The following EFNA5 variants were observed in gnomAD, a reference collection of about 807,000 sequenced individuals.
EFNA5 encodes ephrin A5.
A neutral mutation model predicts 22.9 loss-of-function variants in EFNA5; 5 were observed. That is an observed-to-expected ratio of 0.22 (90% CI 0.11 to 0.46). The LOEUF is 0.46. Ranked by LOEUF, EFNA5 falls within the 20% of genes least tolerant of loss-of-function variation. The probability of loss-of-function intolerance (pLI) is 0.99; values close to 1 mark genes in which losing one functional copy is unlikely to be tolerated. For missense variants in EFNA5, 237 were observed against 293.3 expected, an observed-to-expected ratio of 0.81 and a Z score of 1.40; for synonymous variants, 113 against 112.2, an observed-to-expected ratio of 1.01 and a Z score of -0.04.
intron 1 of EFNA5, among the ~76,000 whole-genome samples, chr5:107,494,275 G>A (rs1456467756): frequency 6.6e-6 from 1 of 152,076 alleles, no homozygotes; most frequent in Non-Finnish European, 1.5e-5. Context: ...GGGCGGCTGC[G>A]GGCGGCGCTT....
At chr5:107,580,439 C>A (rs979469999) in intron 1 of EFNA5, among the ~76,000 whole-genome samples, 1 of 151,956 alleles carries the variant, frequency 6.6e-6, no homozygotes, top group East Asian at 1.9e-4. Context: ...ATACTTACAC[C>A]CTTTCACAGG....
chr5:107,539,239 G>A (rs1471030191), intron 1 of EFNA5, among the ~76,000 whole-genome samples: 2 of 152,232 alleles, frequency 1.3e-5, no homozygotes, highest in African/African-American at 4.8e-5. Flanking sequence ...AAAAAGAGCT[G>A]CACCATTTGC....
intron 1 of EFNA5, among the ~76,000 whole-genome samples, chr5:107,558,100 G>T (rs1207981722): frequency 2.6e-5 from 4 of 151,994 alleles, no homozygotes; most frequent in African/African-American, 9.7e-5. Flanking sequence ...GTCTGAGAGG[G>T]GGAGGGGCAT....
intron 1 of EFNA5, among the ~76,000 whole-genome samples, chr5:107,650,191 T>C (rs1355814952): frequency 5.3e-5 from 8 of 152,198 alleles, no homozygotes; most frequent in Non-Finnish European, 1.0e-4. Context: ...CAAACAGCTA[T>C]GCTAAGGAAT....
intron 1 of EFNA5, among the ~76,000 whole-genome samples, chr5:107,542,153 G>A (rs902108621): frequency 6.6e-6 from 1 of 152,004 alleles, no homozygotes; most frequent in African/African-American, 2.4e-5. Context: ...ACACTTTCAG[G>A]GGGAAAATAA....
At chr5:107,439,660 G>T (rs1183568007) in intron 1 of EFNA5, among the ~76,000 whole-genome samples, 1 of 152,032 alleles carries the variant, frequency 6.6e-6, no homozygotes, top group Non-Finnish European at 1.5e-5. Flanking sequence ...TCTGAGGCGA[G>T]AAGGCACACT....
rs1028744802 is a variant in EFNA5 at position 107,670,779 on chromosome 5, G to A, written c.-166C>T. On this transcript the variant is annotated 5_prime_UTR_variant, in exon 1 of 5. Transcript: ENST00000333274. ...AAGGAAAGAGGCGCCCACCAAGCTG[G>A]GGAGGGGTAGGAGAGCGAGAAGAAA... The A allele has an allele frequency of 2.2e-6, 2 of 913,510 alleles. No homozygotes were observed. The highest frequency in any genetic ancestry group is 3.2e-6 in the Non-Finnish European group (2 of 617,242). 56.6% of individuals were successfully genotyped at this position (913,510 alleles called of 1,614,324 possible).
At chr5:107,658,275 C>T (rs1273115114) in intron 1 of EFNA5, among the ~76,000 whole-genome samples, 2 of 152,054 alleles carry the variant, frequency 1.3e-5, no homozygotes, top group African/African-American at 4.8e-5. Flanking sequence ...TCTGGCATTG[C>T]CACATAAAAT....
intron 1 of EFNA5, among the ~76,000 whole-genome samples, chr5:107,548,254 TA>T (rs962034479): frequency 4.6e-5 from 7 of 152,206 alleles, no homozygotes; most frequent in Non-Finnish European, 7.4e-5. Flanking sequence ...CTACACTTTT[TA>T]AAAATTTTTT....
At chr5:107,460,132 G>T (rs971526687) in intron 1 of EFNA5, among the ~76,000 whole-genome samples, 3 of 152,156 alleles carry the variant, frequency 2.0e-5, no homozygotes, top group African/African-American at 7.2e-5. Context: ...TAATCAAGAG[G>T]TAGGGACCTT....
intron 2 of EFNA5, among the ~76,000 whole-genome samples, chr5:107,390,782 G>A (rs1175805963): frequency 2.6e-5 from 4 of 151,910 alleles, no homozygotes; most frequent in African/African-American, 4.8e-5. Flanking sequence ...ATGAATAGTC[G>A]ATGTTGAAAG....
intron 1 of EFNA5, among the ~76,000 whole-genome samples, chr5:107,616,829 A>G (rs1749926664): frequency 6.6e-6 from 1 of 152,204 alleles, no homozygotes; most frequent in Non-Finnish European, 1.5e-5. Flanking sequence ...ACAAACAAAA[A>G]TCACATTTTT....
intron 2 of EFNA5, 117 bp downstream of exon 2, chr5:107,427,100 A>T: frequency 9.1e-7 from 1 of 1,093,758 alleles, no homozygotes; most frequent in Non-Finnish European, 1.3e-6. Flanking sequence ...GTACGCATTT[A>T]CAAGGAGATA....
chr5:107,404,676 C>G (rs1474652175), intron 2 of EFNA5, among the ~76,000 whole-genome samples: 1 of 152,064 alleles, frequency 6.6e-6, no homozygotes, highest in Non-Finnish European at 1.5e-5. Context: ...TATTCAATTC[C>G]AAGTCTTCCT....
rs1191541710 is a variant in EFNA5 at position 107,427,514 on chromosome 5, T to C, written c.126-5A>G. On this transcript the variant is annotated splice_region_variant and splice_polypyrimidine_tract_variant and intron_variant, in intron 1 of 4. Coordinates refer to ENST00000333274, the MANE Select transcript of EFNA5 (RefSeq NM_001962.3). ...TGGTAGTCACCCCTCTGGAATCTGT[T>C]AGAAAAAGAAAAAAAAATGTGATAA... The C allele has an allele frequency of 6.4e-7, 1 of 1,569,412 alleles. No homozygotes were observed. Among genetic ancestry groups the C allele is most frequent in the African/African-American group, 1.4e-5 (1 of 72,564 alleles).
At chr5:107,621,074 G>A (rs1750025968) in intron 1 of EFNA5, among the ~76,000 whole-genome samples, 1 of 152,186 alleles carries the variant, frequency 6.6e-6, no homozygotes, top group African/African-American at 2.4e-5. Context: ...AGAAGGTAAA[G>A]AATCATCCTT....
In EFNA5 at chr5:107,381,001, T is replaced by C. The variant is rs1488219988; in HGVS notation, c.*254A>G. On this transcript the variant is annotated 3_prime_UTR_variant, in exon 5 of 5. Transcript: ENST00000333274. Reference sequence around the variant, plus strand: ...ATTTGGCATTTTCATCTGGAGTCCATTTAATTTGGGAGGGGTGAGAGAAGC... The same window carrying C: ...ATTTGGCATTTTCATCTGGAGTCCACTTAATTTGGGAGGGGTGAGAGAAGC... 1.5e-5 allele frequency: 7 copies of C among 479,114 alleles called. No individual in the cohort carries two copies. The Admixed American group carries it at 1.7e-4, about 12-fold the overall frequency. The allele number at this position is 479,114 out of a possible 1,614,324, so 29.7% of individuals were successfully genotyped here.
chr5:107,419,133 T>C (rs920239166), intron 2 of EFNA5, among the ~76,000 whole-genome samples: 2 of 152,248 alleles, frequency 1.3e-5, no homozygotes, highest in African/African-American at 2.4e-5. Flanking sequence ...TGCGTATGCA[T>C]GCTCAGAAGG....
chr5:107,513,705 G>A (rs2112436715), intron 1 of EFNA5, among the ~76,000 whole-genome samples: 1 of 152,268 alleles, frequency 6.6e-6, no homozygotes, highest in East Asian at 1.9e-4. Flanking sequence ...AGATGTTTCT[G>A]AACAGAAAGA....
Sources: allele counts gnomAD v4.1 joint callset (sites outside exome capture counted in the v4.1 genomes callset), GRCh38; gene constraint gnomAD v4.1.1; transcripts MANE v1.5; gene names NCBI Gene and HGNC (gene_info 2026-07-23, HGNC 2026-07-21).